The following NKX2-1 variants were observed in gnomAD, a reference collection of about 807,000 sequenced individuals.
NKX2-1 encodes homeobox protein Nkx-2.1.
NKX2-1 carries 9 observed loss-of-function variants against 35.1 expected under a neutral mutation model. That is an observed-to-expected ratio of 0.26 (90% CI 0.15 to 0.45). The LOEUF is 0.45. NKX2-1 is among the 20% of genes least tolerant of loss of function. NKX2-1 has a pLI of 1.00. For missense variants in NKX2-1, 509 were observed against 589.1 expected (o/e 0.86, Z 1.41); for synonymous variants, 284 against 269.9 (o/e 1.05, Z -0.51).
At position 36,516,998 on chromosome 14, in the gene NKX2-1, T is replaced by G; in HGVS notation, c.*280A>C. The G allele has an allele frequency of 5.5e-6, 3 of 541,302 alleles. No individual in the cohort carries two copies. The highest frequency in any genetic ancestry group is 9.4e-6 in the Non-Finnish European group (3 of 319,154). The allele number at this position is 541,302 out of a possible 1,614,324, so 33.5% of individuals were successfully genotyped here. On this transcript the variant is annotated 3_prime_UTR_variant, in exon 3 of 3. Transcript: ENST00000354822. ...CCAAAAAAAGACACCCCAAAGCTGT[T>G]TTATGCCCTTCTCTGCTTAAAGATT... is the stretch of plus-strand genomic sequence containing the variant.
chr14:36,517,284 G>A lies in NKX2-1; in HGVS notation c.1200C>T (p.Thr400=), dbSNP rs886050481. 9 of 1,607,100 alleles carry A rather than the reference G, an allele frequency of 5.6e-6. No homozygotes were observed. The highest frequency in any genetic ancestry group is 2.2e-5 in the East Asian group (1 of 44,596). The part of the protein sequence containing the change: ...MSCSTLLYGR[T]W The stretch of plus-strand genomic sequence containing the variant: ...GGGCCGGCCCGGCGTCCTCTCACCA[G>A]GTCCGACCGTATAGCAAGGTGGAGC... Residue 400 remains threonine (T), a synonymous_variant, in exon 3 of 3, where the codon ACC becomes ACT. Transcript: ENST00000354822.
At chr14:36,519,853 A>C (rs1313155855) in intron 1 of NKX2-1, among the ~76,000 whole-genome samples, 200 bp downstream of exon 1, 1 of 151,930 alleles carries the variant, frequency 6.6e-6, no homozygotes. Flanking sequence ...AGGAGGAGGG[A>C]ACCGAGAGCG....
chr14:36,517,516 T>C lies in NKX2-1; in HGVS notation c.968A>G (p.Gln323Arg). Residue 323 changes from glutamine to arginine, a missense_variant, in exon 3 of 3, where the codon CAG (glutamine) becomes CGG (arginine). This residue lies in a region of NKX2-1 where 212 missense variants were observed against 227.7 expected (regional missense o/e 0.93). Coordinates refer to ENST00000354822, the MANE Select transcript of NKX2-1 (RefSeq NM_001079668.3). Reference protein sequence around the residue: ...QGHAQQQAQHQAQAAQAAAAA... With the variant: ...QGHAQQQAQHRAQAAQAAAAA... Reference sequence around the variant, plus strand: ...TGCCGCCGCCTGCGCGGCCTGCGCCTGGTGCTGCGCCTGCTGCTGCGCGTG... The same window carrying C: ...TGCCGCCGCCTGCGCGGCCTGCGCCCGGTGCTGCGCCTGCTGCTGCGCGTG... 1 of 1,375,756 alleles carries C rather than the reference T, an allele frequency of 7.3e-7. No individual in the cohort carries two copies. Among genetic ancestry groups the C allele is most frequent in the Non-Finnish European group, 9.3e-7 (1 of 1,072,132 alleles). 85.2% of individuals were successfully genotyped at this position (1,375,756 alleles called of 1,614,324 possible).
chr14:36,518,074 C>A lies in NKX2-1; in HGVS notation c.464-54G>T, dbSNP rs1428888319. On this transcript the variant is annotated intron_variant, in intron 2 of 2. Coordinates refer to ENST00000354822, the MANE Select transcript of NKX2-1 (RefSeq NM_001079668.3). ...CGGGGCCAGGCCGAGCCAGGCCACC[C>A]CTGTTTTCCGCGCCATTGGCCCGCC... 2.5e-6 allele frequency: 4 copies of A among 1,585,180 alleles called. No homozygotes were observed. The Admixed American group carries it at 5.2e-5, about 20-fold the overall frequency.
Position 36,519,242 on chromosome 14 carries a change from G to A in NKX2-1, c.206C>T (p.Ala69Val), listed in dbSNP as rs1004953614. The change falls in exon 2 of 3, where the codon GCG becomes GTG. Residue 69 changes from alanine (A) to valine (V), a missense_variant. Transcript: ENST00000354822. ...TGCCGCCTGGCCCTGCCTGTACGCC[G>A]CCAGCGGAGCCCCGAGGCCGCCGCC... is the stretch of plus-strand genomic sequence containing the variant. Reference protein sequence around the residue: ...MEGGGLGAPLAAYRQGQAAPP... With the variant: ...MEGGGLGAPLVAYRQGQAAPP... 3 of 1,609,212 alleles carry A rather than the reference G, an allele frequency of 1.9e-6. No homozygotes were observed. Among genetic ancestry groups the A allele is most frequent in the Non-Finnish European group, 2.5e-6 (3 of 1,178,372 alleles).
At position 36,517,536 on chromosome 14, in the gene NKX2-1, C is replaced by A; in HGVS notation, c.948G>T (p.Ala316=). The A allele has an allele frequency of 1.4e-6, 2 of 1,430,740 alleles. No homozygotes were observed. Among genetic ancestry groups the A allele is most frequent in the African/African-American group, 1.5e-5 (1 of 66,140 alleles). The allele number at this position is 1,430,740 out of a possible 1,614,324, so 88.6% of individuals were successfully genotyped here. A position where few individuals can be genotyped will look rare whatever the true frequency, so the allele number is the denominator to read the frequency against. The change falls in exon 3 of 3, where the codon GCG becomes GCT. Residue 316 remains alanine, a synonymous_variant. Coordinates refer to ENST00000354822, the MANE Select transcript of NKX2-1 (RefSeq NM_001079668.3). ...GCGCCTGGTGCTGCGCCTGCTGCTG[C>A]GCGTGGCCTTGTAGGCTGGCGGCGC... ...APGAASLQGH[A]QQQAQHQAQA... is the part of the protein sequence containing the mutation.
chr14:36,517,507 G>T lies in NKX2-1; in HGVS notation c.977C>A (p.Ala326Asp). 2 of 1,360,048 alleles carry T rather than the reference G, an allele frequency of 1.5e-6. No homozygotes were observed. Among genetic ancestry groups the T allele is most frequent in the Non-Finnish European group, 9.4e-7 (1 of 1,063,688 alleles). 84.2% of individuals were successfully genotyped at this position (1,360,048 alleles called of 1,614,324 possible). ...AQQQAQHQAQ[A>D]AQAAAAAISV... ...GATGGCCGCTGCCGCCGCCTGCGCG[G>T]CCTGCGCCTGGTGCTGCGCCTGCTG... Residue 326 changes from alanine to aspartate, a missense_variant, in exon 3 of 3, where the codon GCC (alanine) becomes GAC (aspartate). By Grantham distance (126) the Ala-to-Asp change is moderately radical. Transcript: ENST00000354822.
Position 36,518,134 on chromosome 14 carries a change from A to G in NKX2-1, c.464-114T>C. 6 of 1,432,368 alleles carry G rather than the reference A, an allele frequency of 4.2e-6. No homozygotes were observed. The South Asian group carries it at 6.3e-5, about 15-fold the overall frequency. The allele number at this position is 1,432,368 out of a possible 1,614,324, so 88.7% of individuals were successfully genotyped here. A position where few individuals can be genotyped will look rare whatever the true frequency, so the allele number is the denominator to read the frequency against. On this transcript the variant is annotated intron_variant, in intron 2 of 2. Coordinates refer to ENST00000354822, the MANE Select transcript of NKX2-1 (RefSeq NM_001079668.3). ...CCAACCGACGGCGCCCTCCTGACCC[A>G]GGCAGCCTAGCGCTGGGGCCCAAGA...
Position 36,517,776 on chromosome 14 carries a change from C to T in NKX2-1, c.708G>A (p.Lys236=). ...SMIHLTPTQV[K]IWFQNHRYKM... The stretch of plus-strand genomic sequence containing the variant: ...TGTAGCGGTGGTTCTGGAACCAGAT[C>T]TTGACCTGCGTGGGCGTCAGGTGGA... The change falls in exon 3 of 3, where the codon AAG becomes AAA. Residue 236 remains lysine (K), a synonymous_variant. Transcript: ENST00000354822. The T allele has an allele frequency of 6.2e-7, 1 of 1,612,668 alleles. No homozygotes were observed. Among genetic ancestry groups the T allele is most frequent in the Middle Eastern group, 1.9e-4 (1 of 5,346 alleles).
Position 36,516,429 on chromosome 14 carries a change from A to G in NKX2-1, c.*849T>C, listed in dbSNP as rs920184033. On this transcript the variant is annotated 3_prime_UTR_variant, in exon 3 of 3. Transcript: ENST00000354822. ...CAGAAAAAGAATCTTTTTAATTTGT[A>G]TAATTTATTAGAAGCTTCTTAGGAA... is the stretch of plus-strand genomic sequence containing the variant. The G allele has an allele frequency of 2.7e-5, 6 of 224,688 alleles. No homozygotes were observed. The highest frequency in any genetic ancestry group is 2.3e-4 in the Admixed American group (4 of 17,488). 13.9% of individuals were successfully genotyped at this position (224,688 alleles called of 1,614,324 possible).
rs1332892040 is a variant in NKX2-1, at chr14:36,517,188, G to A, written c.*90C>T. 1.3e-6 allele frequency: 2 copies of A among 1,537,696 alleles called. No individual in the cohort carries two copies. Among genetic ancestry groups the A allele is most frequent in the Non-Finnish European group, 1.8e-6 (2 of 1,140,916 alleles). ...CCAGGTTGTTAAGAAAAGTCGAAGCGCGTGGAGCAGCGGTGGATGGTGGTC... is the reference window on the plus strand; with the variant it reads ...CCAGGTTGTTAAGAAAAGTCGAAGCACGTGGAGCAGCGGTGGATGGTGGTC... On this transcript the variant is annotated 3_prime_UTR_variant, in exon 3 of 3. Transcript: ENST00000354822.
In NKX2-1 at chr14:36,516,459, A is replaced by G. The variant is rs1881021265; in HGVS notation, c.*819T>C. On this transcript the variant is annotated 3_prime_UTR_variant, in exon 3 of 3. Coordinates refer to ENST00000354822, the MANE Select transcript of NKX2-1 (RefSeq NM_001079668.3). The stretch of plus-strand genomic sequence containing the variant: ...TTATTAGAAGCTTCTTAGGAACTAT[A>G]TTTAAGCCAAATATCTACATAAGTT... 1 of 230,626 alleles carries G rather than the reference A, an allele frequency of 4.3e-6. No individual in the cohort carries two copies. Among genetic ancestry groups the G allele is most frequent in the South Asian group, 1.8e-4 (1 of 5,514 alleles). The allele number at this position is 230,626 out of a possible 1,614,324, so 14.3% of individuals were successfully genotyped here. A position where few individuals can be genotyped will look rare whatever the true frequency, so the allele number is the denominator to read the frequency against.
chr14:36,518,685 G>A (rs938044841), intron 2 of NKX2-1, among the ~76,000 whole-genome samples: 2 of 152,156 alleles, frequency 1.3e-5, no homozygotes, highest in Non-Finnish European at 2.9e-5. Flanking sequence ...GCTCGGGGTC[G>A]CTTCCCTTGG....
chr14:36,520,078 C>A lies in NKX2-1; in HGVS notation c.52G>T (p.Gly18Trp), dbSNP rs1164061197. 1 of 1,612,946 alleles carries A rather than the reference C, an allele frequency of 6.2e-7. No individual in the cohort carries two copies. The highest frequency in any genetic ancestry group is 8.5e-7 in the Non-Finnish European group (1 of 1,179,870). The change falls in exon 1 of 3, where the codon GGG becomes TGG. Residue 18 changes from glycine (G) to tryptophan (W), a missense_variant. Physicochemically the swap from Gly to Trp is radical, Grantham distance 184 (BLOSUM62 -2). Transcript: ENST00000354822. ...CTGAGCCTGCCGGGGCTGCTCCTCC[C>A]TCCCGCCGCGGCCTCCCAGCCCCGC... ...KARGWEAAAG[G>W]RSSPGRLSRR...
chr14:36,517,088 T>A lies in NKX2-1; in HGVS notation c.*190A>T. 2 of 1,090,072 alleles carry A rather than the reference T, an allele frequency of 1.8e-6. No homozygotes were observed. Among genetic ancestry groups the A allele is most frequent in the Non-Finnish European group, 2.5e-6 (2 of 812,232 alleles). The allele number at this position is 1,090,072 out of a possible 1,614,324, so 67.5% of individuals were successfully genotyped here. A position where few individuals can be genotyped will look rare whatever the true frequency, so the allele number is the denominator to read the frequency against. On this transcript the variant is annotated 3_prime_UTR_variant, in exon 3 of 3. Coordinates refer to ENST00000354822, the MANE Select transcript of NKX2-1 (RefSeq NM_001079668.3). ...TTTTTAAAAAAAAAAACCCACAAAT[T>A]TTAGGGGGGGAAAAAAAGAAAGACG...
chr14:36,517,871 C>G lies in NKX2-1; in HGVS notation c.613G>C (p.Glu205Gln), dbSNP rs137852693. The G allele has an allele frequency of 1.2e-6, 2 of 1,611,810 alleles. No homozygotes were observed. The highest frequency in any genetic ancestry group is 1.1e-5 in the South Asian group (1 of 90,722). The change falls in exon 3 of 3, where the codon GAG becomes CAG. Residue 205 changes from glutamate to glutamine, a missense_variant. This residue lies in a region of NKX2-1 where 15 missense variants were observed against 28.6 expected (regional missense o/e 0.52). Coordinates refer to ENST00000354822, the MANE Select transcript of NKX2-1 (RefSeq NM_001079668.3). ...RVLFSQAQVY[E>Q]LERRFKQQKY... The stretch of plus-strand genomic sequence containing the variant: ...TGTTGCTTGAAGCGTCGCTCCAGCT[C>G]GTACACCTGCGCCTGCGAGAAGAGC...
Position 36,517,030 on chromosome 14 carries a change from G to C in NKX2-1, c.*248C>G, listed in dbSNP as rs1045335700. The C allele has an allele frequency of 7.1e-5, 50 of 705,726 alleles. No individual in the cohort carries two copies. In the African/African-American group the frequency reaches 8.6e-4, roughly 12 times the overall value. The allele number at this position is 705,726 out of a possible 1,614,324, so 43.7% of individuals were successfully genotyped here. On this transcript the variant is annotated 3_prime_UTR_variant, in exon 3 of 3. Transcript: ENST00000354822. Reference sequence around the variant, plus strand: ...CCTTCTCTGCTTAAAGATTCCTTGAGATTGGATGCGCTTGGTTGTTTTTCA... The same window carrying C: ...CCTTCTCTGCTTAAAGATTCCTTGACATTGGATGCGCTTGGTTGTTTTTCA...
In NKX2-1 at chr14:36,516,698, G is replaced by C. The variant is rs998709271; in HGVS notation, c.*580C>G. ...CATTAAACAAACTATTTTCGCGGAG[G>C]GCGGTCGCCGCTGAGCCTAGGCGGC... On this transcript the variant is annotated 3_prime_UTR_variant, in exon 3 of 3. Transcript: ENST00000354822. The C allele has an allele frequency of 1.3e-5, 3 of 232,350 alleles. No individual in the cohort carries two copies. The highest frequency in any genetic ancestry group is 6.8e-5 in the African/African-American group (3 of 44,276). 14.4% of individuals were successfully genotyped at this position (232,350 alleles called of 1,614,324 possible).
In NKX2-1 at chr14:36,517,443, C is replaced by G. The variant is rs759803882; in HGVS notation, c.1041G>C (p.Pro347=). 1.3e-6 allele frequency: 2 copies of G among 1,496,420 alleles called. No individual in the cohort carries two copies. The highest frequency in any genetic ancestry group is 2.6e-5 in the South Asian group (2 of 77,392). The allele number at this position is 1,496,420 out of a possible 1,614,324, so 92.7% of individuals were successfully genotyped here. A position where few individuals can be genotyped will look rare whatever the true frequency, so the allele number is the denominator to read the frequency against. Reference sequence around the variant, plus strand: ...GGCCTGCGCTGCCTGGCTGGTGGCCCGGGTGTGCGCCAAGGCCGGCGCCAC... The same window carrying G: ...GGCCTGCGCTGCCTGGCTGGTGGCCGGGGTGTGCGCCAAGGCCGGCGCCAC... ...GSGGAGLGAH[P]GHQPGSAGQS... Residue 347 remains proline, a synonymous_variant, in exon 3 of 3, where the codon CCG becomes CCC. Coordinates refer to ENST00000354822, the MANE Select transcript of NKX2-1 (RefSeq NM_001079668.3).
Sources: gnomAD v4.1 joint callset for allele counts (sites outside exome capture counted in the v4.1 genomes callset) on GRCh38, gnomAD v4.1.1 for gene constraint, gnomAD v4.1.1 regional missense constraint, MANE v1.5 for transcripts, NCBI Gene and HGNC (gene_info 2026-07-23, HGNC 2026-07-21) for gene names.